USP32: variants seen among roughly 807,000 people sequenced by gnomAD.
USP32 encodes ubiquitin carboxyl-terminal hydrolase 32.
A neutral mutation model predicts 204.8 loss-of-function variants in USP32; 59 were observed. The ratio of observed to expected loss-of-function variants is 0.29; its 90% CI spans 0.23 to 0.36. The LOEUF is 0.36. Among genes scored for constraint, USP32 ranks in the 10% least tolerant of loss-of-function variants. USP32 has a pLI of 1.00. For synonymous variants in USP32, 517 were observed against 678.4 expected (o/e 0.76, Z 3.70); for missense variants, 1,160 against 1,946.4 (o/e 0.60, Z 7.60).
At chr17:60,247,787 G>A (rs976697198) in intron 11 of USP32, among the ~76,000 whole-genome samples, 1 of 151,710 alleles carries the variant, frequency 6.6e-6, no homozygotes, top group South Asian at 2.1e-4. Context: ...CAGTTCAAGC[G>A]ATTCTCCTGC....
chr17:60,217,092 A>G (rs918950130), intron 16 of USP32, among the ~76,000 whole-genome samples: 11 of 152,222 alleles, frequency 7.2e-5, no homozygotes, highest in African/African-American at 2.7e-4. Flanking sequence ...TTAAGCCACA[A>G]TATGAAAATT....
chr17:60,202,849 G>C (rs905631830), intron 26 of USP32, among the ~76,000 whole-genome samples: 4 of 145,662 alleles, frequency 2.7e-5, no homozygotes, highest in Admixed American at 2.7e-4. Context: ...ATGTAATTAA[G>C]TTGAGGATGT....
At chr17:60,343,620 C>T (rs1042922456) in intron 2 of USP32, among the ~76,000 whole-genome samples, 3 of 152,220 alleles carry the variant, frequency 2.0e-5, no homozygotes, top group African/African-American at 7.2e-5. Context: ...AAAGACACAA[C>T]ATACCAGAAT....
chr17:60,349,619 ATATATT>A (rs1567867308), intron 1 of USP32, among the ~76,000 whole-genome samples: 1 of 74,962 alleles, frequency 1.3e-5, no homozygotes, highest in Middle Eastern at 6.6e-3. Flanking sequence ...ATATATATAT[ATATATT>A]ATATATATAT....
At chr17:60,363,242 C>A (rs892698409) in intron 1 of USP32, among the ~76,000 whole-genome samples, 1 of 151,802 alleles carries the variant, frequency 6.6e-6, no homozygotes, top group African/African-American at 2.4e-5. Context: ...ATTGCCTGAG[C>A]TCAGGAGTTC....
At chr17:60,270,815 C>T (rs1308975876) in intron 6 of USP32, among the ~76,000 whole-genome samples, 1 of 145,576 alleles carries the variant, frequency 6.9e-6, no homozygotes, top group Non-Finnish European at 1.5e-5. Context: ...AAGAGCAAAA[C>T]TCTGCCTCAA....
At chr17:60,330,541 TTCTC>T (rs1241357170) in intron 2 of USP32, among the ~76,000 whole-genome samples, 3 of 149,568 alleles carry the variant, frequency 2.0e-5, no homozygotes, top group Admixed American at 6.7e-5. Context: ...CTTTCTCTCT[TTCTC>T]TCTCTCTCTC....
intron 5 of USP32, among the ~76,000 whole-genome samples, chr17:60,281,303 C>G (rs1413336710): frequency 6.6e-6 from 1 of 152,202 alleles, no homozygotes; most frequent in East Asian, 1.9e-4. Flanking sequence ...CTTCGGGAGG[C>G]CGAGGCGGAT....
chr17:60,304,112 G>A (rs1372753713), intron 2 of USP32, among the ~76,000 whole-genome samples: 2 of 151,744 alleles, frequency 1.3e-5, no homozygotes, highest in African/African-American at 4.8e-5. Flanking sequence ...AAACCAACTA[G>A]ACAAATCACA....
intron 1 of USP32, among the ~76,000 whole-genome samples, chr17:60,369,901 C>A (rs1214560142): frequency 6.6e-6 from 1 of 151,874 alleles, no homozygotes; most frequent in Non-Finnish European, 1.5e-5. Flanking sequence ...CCATGCTCAG[C>A]TAATTAAAAA....
intron 1 of USP32, among the ~76,000 whole-genome samples, chr17:60,346,873 G>A (rs959964465): frequency 5.3e-5 from 8 of 152,198 alleles, no homozygotes; most frequent in Non-Finnish European, 1.2e-4. Flanking sequence ...TATCATAAAA[G>A]TATCTTACTA....
At chr17:60,331,822 T>G (rs1259416891) in intron 2 of USP32, among the ~76,000 whole-genome samples, 1 of 148,506 alleles carries the variant, frequency 6.7e-6, no homozygotes, top group East Asian at 2.0e-4. Context: ...CACTTGAGCT[T>G]GGGGAGGTCA....
chr17:60,422,379 A>C, exon 1 of USP32: 1 of 1,293,388 alleles, frequency 7.7e-7, no homozygotes, highest in Non-Finnish European at 1.0e-6. Flanking sequence ...TCCAGATCCC[A>C]GCTGGAGGGG....
At chr17:60,358,893 G>C (rs561619422) in intron 1 of USP32, among the ~76,000 whole-genome samples, 2 of 152,296 alleles carry the variant, frequency 1.3e-5, no homozygotes, top group African/African-American at 4.8e-5. Flanking sequence ...AGAATCTCTG[G>C]CTTAGGCCAA....
At chr17:60,195,116 G>T (rs571068221) in intron 27 of USP32, among the ~76,000 whole-genome samples, 1 of 152,252 alleles carries the variant, frequency 6.6e-6, no homozygotes, top group South Asian at 2.1e-4. Flanking sequence ...ACCATGCCTG[G>T]CTATCTTTTT....
intron 1 of USP32, among the ~76,000 whole-genome samples, chr17:60,383,860 T>C (rs2146121042): frequency 6.6e-6 from 1 of 152,212 alleles, no homozygotes; most frequent in East Asian, 1.9e-4. Flanking sequence ...CTATAAAGAC[T>C]ACATTTTTAA....
chr17:60,364,332 C>T (rs966405597), intron 1 of USP32, among the ~76,000 whole-genome samples: 5 of 152,192 alleles, frequency 3.3e-5, no homozygotes, highest in Non-Finnish European at 5.9e-5. Flanking sequence ...GGAACAAACA[C>T]TCAGATCACA....
chr17:60,232,168 CTT>C (rs58707657), intron 12 of USP32, among the ~76,000 whole-genome samples: 3 of 109,472 alleles, frequency 2.7e-5, no homozygotes, highest in African/African-American at 3.7e-5. Context: ...TTTTCTTTTT[CTT>C]TTTTTTTTTT....
intron 2 of USP32, among the ~76,000 whole-genome samples, chr17:60,302,175 G>A (rs1045172578): frequency 3.3e-5 from 5 of 150,854 alleles, no homozygotes; most frequent in East Asian, 3.9e-4. Context: ...TGCTCCTGTC[G>A]CCCAGGCTGG....
Sources: gnomAD v4.1 joint callset for allele counts (sites outside exome capture counted in the v4.1 genomes callset) on GRCh38, gnomAD v4.1.1 for gene constraint, MANE v1.5 for transcripts, NCBI Gene and HGNC (gene_info 2026-07-23, HGNC 2026-07-21) for gene names.